Variants in PCTP observed in about 807,000 individuals in gnomAD.
PCTP encodes START domain-containing protein 2.
Under a neutral mutation model 31.0 loss-of-function variants are expected in PCTP, and 27 were observed. The ratio of observed to expected loss-of-function variants is 0.87; its 90% CI spans 0.64 to 1.20. The LOEUF (loss-of-function observed/expected upper bound fraction) is 1.20. PCTP is among the 50% of genes most tolerant of loss of function. PCTP has a pLI of 0.00. For synonymous variants in PCTP, 108 were observed against 101.2 expected (o/e 1.07, Z -0.40); for missense variants, 287 against 268.2 (o/e 1.07, Z -0.49).
chr17:55,775,283 C>G lies in PCTP; in HGVS notation c.579+424C>G, dbSNP rs1911266433. 4 of 979,646 alleles carry G rather than the reference C, an allele frequency of 4.1e-6. No individual in the cohort carries two copies. In the Admixed American group the frequency reaches 1.9e-4, roughly 46 times the overall value. 60.7% of individuals were successfully genotyped at this position (979,646 alleles called of 1,614,324 possible). On this transcript the variant is annotated intron_variant, in intron 5 of 5. Coordinates refer to ENST00000268896, the MANE Select transcript of PCTP (RefSeq NM_021213.4). ...AGCTTCCACTTTTGTTGTTGTTGCC[C>G]TTTTTTTTTTTTCTTTTTCTCTATA...
At chr17:55,790,472 C>A (rs1209956467) in intron 3 of PCTP, among the ~76,000 whole-genome samples, 13 of 148,616 alleles carry the variant, frequency 8.7e-5, no homozygotes, top group East Asian at 4.0e-4. Context: ...GATACAAAAT[C>A]AATGTACAAA....
chr17:55,768,518 C>T (rs1324966971), intron 2 of PCTP, among the ~76,000 whole-genome samples: 3 of 152,154 alleles, frequency 2.0e-5, no homozygotes, highest in Non-Finnish European at 4.4e-5. Context: ...TGTTCAATAG[C>T]CGCCAGCAGT....
intron 5 of PCTP, among the ~76,000 whole-genome samples, chr17:55,836,707 G>A (rs1252861185): frequency 1.3e-5 from 2 of 152,104 alleles, no homozygotes; most frequent in African/African-American, 4.8e-5. Context: ...TTTCTTCCTG[G>A]AACACATTGA....
At chr17:55,791,315 TA>T (rs1249910076) in intron 3 of PCTP, among the ~76,000 whole-genome samples, 1 of 149,814 alleles carries the variant, frequency 6.7e-6, no homozygotes, top group Non-Finnish European at 1.5e-5. Context: ...GGGATCTAAT[TA>T]AACTAAAGAG....
intron 1 of PCTP, among the ~76,000 whole-genome samples, chr17:55,754,574 C>T (rs947113771): frequency 6.6e-6 from 1 of 152,126 alleles, no homozygotes; most frequent in Non-Finnish European, 1.5e-5. Flanking sequence ...GAAGCATGGA[C>T]AACAGTGTTG....
At chr17:55,751,675 C>T (rs1046115722) in intron 1 of PCTP, among the ~76,000 whole-genome samples, 1 of 152,158 alleles carries the variant, frequency 6.6e-6, no homozygotes, top group Non-Finnish European at 1.5e-5. Flanking sequence ...CAGAACTTTT[C>T]AAGGACTGGA....
chr17:55,849,193 G>A, the PCTP span, among the ~76,000 whole-genome samples: 2 of 143,050 alleles, frequency 1.4e-5, no homozygotes, highest in African/African-American at 5.6e-5. Flanking sequence ...GGTTTGGAAA[G>A]TATTAAAAAA....
chr17:55,773,736 C>T lies in PCTP; in HGVS notation c.352C>T (p.Arg118Trp), dbSNP rs151142834. Residue 118 changes from arginine to tryptophan, a missense_variant, in exon 4 of 6, where the codon CGG (arginine) becomes TGG (tryptophan). Transcript: ENST00000268896. ...ACTGGCTATGCAGTATGTCTACCTT[C>T]GGCAGCGGCGAGACCTGGACATGGA... ...PMSNRDYVYL[R>W]QRRDLDMEGR... 7.4e-6 allele frequency: 12 copies of T among 1,612,818 alleles called. No homozygotes were observed. Among genetic ancestry groups the T allele is most frequent in the South Asian group, 5.5e-5 (5 of 90,918 alleles).
chr17:55,783,439 G>A (rs1053875732), intron 2 of PCTP, among the ~76,000 whole-genome samples: 4 of 152,146 alleles, frequency 2.6e-5, no homozygotes, highest in African/African-American at 9.7e-5. Context: ...ACAGCACGCC[G>A]AATTCATTTT....
At chr17:55,794,624 ATG>A (rs1359769060) in intron 3 of PCTP, among the ~76,000 whole-genome samples, 1 of 152,064 alleles carries the variant, frequency 6.6e-6, no homozygotes, top group African/African-American at 2.4e-5. Flanking sequence ...ATTGCACAGA[ATG>A]TGAAAAACTT....
chr17:55,789,959 T>C (rs1260373415), intron 3 of PCTP, among the ~76,000 whole-genome samples: 1 of 152,152 alleles, frequency 6.6e-6, no homozygotes, highest in African/African-American at 2.4e-5. Context: ...TCCACCATGA[T>C]CAAGTGGGCT....
At chr17:55,775,627 A>G (rs1911286599) in intron 5 of PCTP, 1 of 1,193,272 alleles carries the variant, frequency 8.4e-7, no homozygotes, top group South Asian at 4.3e-5. Flanking sequence ...CTCAACATTA[A>G]CTAAATAATA....
chr17:55,802,619 A>G (rs1912424714), intron 3 of PCTP, among the ~76,000 whole-genome samples: 1 of 152,224 alleles, frequency 6.6e-6, no homozygotes, highest in African/African-American at 2.4e-5. Context: ...CAAAAACCAC[A>G]TGATAATGTC....
chr17:55,839,316 G>T (rs1905881532), intron 5 of PCTP, among the ~76,000 whole-genome samples: 1 of 152,154 alleles, frequency 6.6e-6, no homozygotes, highest in Non-Finnish European at 1.5e-5. Context: ...ATTGGGCCAG[G>T]ATTCCAACTA....
intron 3 of PCTP, among the ~76,000 whole-genome samples, chr17:55,789,933 C>T (rs9911458): frequency 0.042 from 6,441 of 152,230 alleles, 442 homozygotes; most frequent in African/African-American, 0.14. Flanking sequence ...AATCCAGCAG[C>T]ACATCAAAAA....
intron 5 of PCTP, among the ~76,000 whole-genome samples, chr17:55,835,875 C>T (rs779355792): frequency 3.3e-5 from 5 of 152,196 alleles, no homozygotes; most frequent in Non-Finnish European, 7.3e-5. Flanking sequence ...ACTGAGGGAA[C>T]ATACTATTTT....
chr17:55,802,654 T>TCA (rs1912425991), intron 3 of PCTP, among the ~76,000 whole-genome samples: 1 of 152,170 alleles, frequency 6.6e-6, no homozygotes, highest in Non-Finnish European at 1.5e-5. Context: ...AGGACTTTGA[T>TCA]AACATTCAAC....
intron 3 of PCTP, among the ~76,000 whole-genome samples, chr17:55,802,649 T>C (rs553044708): frequency 6.6e-6 from 1 of 152,176 alleles, no homozygotes; most frequent in African/African-American, 2.4e-5. Flanking sequence ...GTAATAGGAC[T>C]TTGATAACAT....
chr17:55,829,206 A>T (rs966268286), intron 5 of PCTP, among the ~76,000 whole-genome samples: 14 of 145,356 alleles, frequency 9.6e-5, no homozygotes, highest in Non-Finnish European at 1.2e-4. Context: ...TCAAAGGCCA[A>T]TATGTGAAAA....
Sources: allele counts gnomAD v4.1 joint callset (sites outside exome capture counted in the v4.1 genomes callset), GRCh38; gene constraint gnomAD v4.1.1; transcripts MANE v1.5; gene names NCBI Gene and HGNC (gene_info 2026-07-23, HGNC 2026-07-21).